Variants in PWWP2A observed in about 807,000 individuals in gnomAD.
PWWP2A encodes PWWP domain containing 2A.
In PWWP2A, 18 loss-of-function variants were observed where a neutral mutation model predicts 48.5. That is an observed-to-expected ratio of 0.37 (90% CI 0.26 to 0.55). The LOEUF (loss-of-function observed/expected upper bound fraction) is 0.55. PWWP2A is among the 20% of genes least tolerant of loss of function. The pLI is 0.81. For synonymous variants in PWWP2A, 396 were observed against 387.7 expected (o/e 1.02, Z -0.25); for missense variants, 867 against 976.4 (o/e 0.89, Z 1.49).
chr5:160,097,040 A>C (rs1755723932), intron 1 of PWWP2A, among the ~76,000 whole-genome samples: 1 of 152,148 alleles, frequency 6.6e-6, no homozygotes, highest in Non-Finnish European at 1.5e-5. Context: ...TCTTATTTTC[A>C]AACTAGTAAC....
chr5:160,058,362 T>C (rs1757600284), downstream of PWWP2A, among the ~76,000 whole-genome samples: 1 of 152,148 alleles, frequency 6.6e-6, no homozygotes, highest in African/African-American at 2.4e-5. Flanking sequence ...CCTGTTAATG[T>C]TGGTATTTTG....
At chr5:160,116,213 C>T (rs903238659) in intron 1 of PWWP2A, among the ~76,000 whole-genome samples, 1 of 152,134 alleles carries the variant, frequency 6.6e-6, no homozygotes, top group East Asian at 1.9e-4. Flanking sequence ...AGCCACCACG[C>T]CCAGCTAAGT....
chr5:160,113,782 G>A (rs1757828915), intron 1 of PWWP2A, among the ~76,000 whole-genome samples: 1 of 152,150 alleles, frequency 6.6e-6, no homozygotes, highest in Non-Finnish European at 1.5e-5. Context: ...ATCAAGAGAA[G>A]CACTAACTTT....
At chr5:160,104,622 G>A (rs1040047245) in intron 1 of PWWP2A, among the ~76,000 whole-genome samples, 3 of 151,920 alleles carry the variant, frequency 2.0e-5, no homozygotes, top group Admixed American at 1.3e-4. Context: ...GGCCAACATG[G>A]CAAAACCCCA....
chr5:160,102,749 G>A (rs1268865470), intron 1 of PWWP2A, among the ~76,000 whole-genome samples: 1 of 152,128 alleles, frequency 6.6e-6, no homozygotes, highest in Non-Finnish European at 1.5e-5. Context: ...GCTATCATGG[G>A]CCTGCAGATG....
At chr5:160,071,580 T>C (rs4429888), downstream of PWWP2A, among the ~76,000 whole-genome samples, 7,382 of 151,946 alleles carry the variant, frequency 0.049, 197 homozygotes, top group East Asian at 0.1. Context: ...AGAGGAAGAG[T>C]CCAATAATCC....
intron 1 of PWWP2A, among the ~76,000 whole-genome samples, chr5:160,095,569 A>G (rs1410687281): frequency 1.3e-5 from 2 of 152,152 alleles, no homozygotes; most frequent in Non-Finnish European, 2.9e-5. Flanking sequence ...ATCTAAACCC[A>G]AAGATTGGCT....
At chr5:160,085,294 C>T (rs1754541900) in intron 2 of PWWP2A, among the ~76,000 whole-genome samples, 1 of 152,226 alleles carries the variant, frequency 6.6e-6, no homozygotes. Flanking sequence ...CCACTGCACT[C>T]GGTCCCTGAT....
intron 2 of PWWP2A, among the ~76,000 whole-genome samples, chr5:160,067,449 A>G (rs1467483696): frequency 6.6e-6 from 1 of 151,994 alleles, no homozygotes; most frequent in East Asian, 1.9e-4. Flanking sequence ...CTGAGATTCC[A>G]GAAGGACTAT....
rs1354792506 is a variant in PWWP2A, at chr5:160,084,666, A to G, written c.1550-3896T>C. On this transcript the variant is annotated intron_variant, in intron 2 of 3. Transcript: ENST00000456329. ...AGCTGGTCTCAAACTCCTGGACTCA[A>G]ATGATGCTCCTGCCTCGGTCTCCCA... Among the ~76,000 whole-genome samples, 5 of 152,066 alleles carry G rather than the reference A, an allele frequency of 3.3e-5. No homozygotes were observed. In the East Asian group the frequency reaches 9.6e-4, roughly 29 times the overall value.
At chr5:160,098,427 T>A (rs1163210049) in intron 1 of PWWP2A, among the ~76,000 whole-genome samples, 1 of 152,028 alleles carries the variant, frequency 6.6e-6, no homozygotes, top group Admixed American at 6.5e-5. Flanking sequence ...GAAATGGGGA[T>A]CACATGTCTG....
intron 1 of PWWP2A, among the ~76,000 whole-genome samples, chr5:160,100,164 G>T (rs1756122316): frequency 6.6e-6 from 1 of 151,820 alleles, no homozygotes; most frequent in South Asian, 2.1e-4. Flanking sequence ...AGCAAGGCAT[G>T]GTGGCGCACA....
At chr5:160,073,885 C>T (rs1581145636), downstream of PWWP2A, among the ~76,000 whole-genome samples, 2 of 149,288 alleles carry the variant, frequency 1.3e-5, no homozygotes, top group Non-Finnish European at 3.0e-5. Context: ...GCCAACATGG[C>T]GAAACCCCTT....
At chr5:160,076,513 TG>T (rs1305836489) in exon 4 of PWWP2A, 1 of 152,246 alleles carries the variant, frequency 6.6e-6, no homozygotes, top group Non-Finnish European at 1.5e-5. Context: ...TGACTTTTTC[TG>T]ATTTGATAAA....
chr5:160,090,480 AT>A (rs375322324), downstream of PWWP2A: 2,454 of 934,650 alleles, frequency 2.6e-3, 27 homozygotes, highest in African/African-American at 0.034. Flanking sequence ...ATTTCAAAGA[AT>A]TTTTTTTTTA....
the PWWP2A span, among the ~76,000 whole-genome samples, chr5:160,053,497 G>A: frequency 2.6e-5 from 4 of 152,110 alleles, no homozygotes; most frequent in African/African-American, 4.8e-5. Flanking sequence ...CCAGGAGATC[G>A]AGACTTCAGT....
At chr5:160,085,399 T>C (rs1174466248) in intron 2 of PWWP2A, among the ~76,000 whole-genome samples, 3 of 152,198 alleles carry the variant, frequency 2.0e-5, no homozygotes, top group African/African-American at 7.2e-5. Flanking sequence ...GGCTTTTCCT[T>C]GTAGATATTG....
chr5:160,047,951 A>G, the PWWP2A span, among the ~76,000 whole-genome samples: 1 of 152,156 alleles, frequency 6.6e-6, no homozygotes. Flanking sequence ...CTACTAGAAT[A>G]GCATAAGGCT....
downstream of PWWP2A, among the ~76,000 whole-genome samples, chr5:160,089,241 G>C (rs1417779806): frequency 6.6e-6 from 1 of 152,070 alleles, no homozygotes; most frequent in Admixed American, 6.6e-5. Flanking sequence ...GCCCAGACCA[G>C]AGTGCAGTGG....
Sources: gnomAD v4.1 joint callset for allele counts (sites outside exome capture counted in the v4.1 genomes callset) on GRCh38, gnomAD v4.1.1 for gene constraint, MANE v1.5 for transcripts, NCBI Gene and HGNC (gene_info 2026-07-23, HGNC 2026-07-21) for gene names.